The following PER3 variants were observed in gnomAD, a reference collection of about 807,000 sequenced individuals.
PER3 encodes period circadian regulator 3.
Under a neutral mutation model 127.2 loss-of-function variants are expected in PER3, and 107 were observed. The ratio of observed to expected loss-of-function variants is 0.84; its 90% CI spans 0.72 to 0.99. PER3 has a LOEUF of 0.99. PER3 is among the 50% of genes least tolerant of loss of function. PER3 has a pLI of 0.00. For missense variants in PER3, 1,560 were observed against 1,525.8 expected (o/e 1.02, Z -0.37); for synonymous variants, 618 against 585.8 (o/e 1.05, Z -0.79).
At chr1:7,828,903 G>A (rs2097315317) in intron 18 of PER3, among the ~76,000 whole-genome samples, 1 of 152,042 alleles carries the variant, frequency 6.6e-6, no homozygotes, top group African/African-American at 2.4e-5. Context: ...ACAGTGCCTA[G>A]AACATATAAA....
In PER3 at chr1:7,827,818, A is replaced by G. The variant is rs1334689378; in HGVS notation, c.2886+3A>G. The stretch of plus-strand genomic sequence containing the variant: ...ACACGTGCCCACAAACTGAGTATGT[A>G]AGTGATGCTCATTTTCAACACTCAA... On this transcript the variant is annotated splice_donor_region_variant and intron_variant, in intron 18 of 21. Coordinates refer to ENST00000377532, the MANE Select transcript of PER3 (RefSeq NM_001377275.1). 2 of 1,591,214 alleles carry G rather than the reference A, an allele frequency of 1.3e-6. No homozygotes were observed. Among genetic ancestry groups the G allele is most frequent in the African/African-American group, 2.7e-5 (2 of 74,464 alleles).
At position 7,844,118 on chromosome 1, in the gene PER3, A is replaced by T; in HGVS notation, c.*1363A>T. ...CCTTTGAAGTTTTACAGCTTTTTGT[A>T]AATGCGTCCTGATAATGATTAGGAA... On this transcript the variant is annotated 3_prime_UTR_variant, in exon 22 of 22. Transcript: ENST00000377532. The T allele has an allele frequency of 1.2e-5, 4 of 321,302 alleles. No homozygotes were observed. The South Asian group carries it at 1.9e-4, about 15-fold the overall frequency. 19.9% of individuals were successfully genotyped at this position (321,302 alleles called of 1,614,324 possible).
intron 6 of PER3, among the ~76,000 whole-genome samples, chr1:7,794,842 T>C (rs1442932457): frequency 1.3e-5 from 2 of 150,790 alleles, no homozygotes; most frequent in Non-Finnish European, 3.0e-5. Context: ...TTATTAGTGT[T>C]CCTTTTATGT....
At chr1:7,824,778 G>T (rs567701686) in intron 16 of PER3, among the ~76,000 whole-genome samples, 1 of 152,302 alleles carries the variant, frequency 6.6e-6, no homozygotes, top group South Asian at 2.1e-4. Context: ...ACCTTCCTGA[G>T]TGCTCCTTGT....
chr1:7,784,798 T>G lies in PER3; in HGVS notation c.-80T>G. On this transcript the variant is annotated 5_prime_UTR_variant, in exon 2 of 22. Coordinates refer to ENST00000377532, the MANE Select transcript of PER3 (RefSeq NM_001377275.1). ...CGGGGACCGGAGTGAGAAACCGGTG[T>G]CTGTCACTGACTGCAAAGTGAGCGA... 1 of 1,351,482 alleles carries G rather than the reference T, an allele frequency of 7.4e-7. No individual in the cohort carries two copies. Among genetic ancestry groups the G allele is most frequent in the East Asian group, 3.1e-5 (1 of 32,436 alleles). The allele number at this position is 1,351,482 out of a possible 1,614,324, so 83.7% of individuals were successfully genotyped here.
intron 13 of PER3, among the ~76,000 whole-genome samples, chr1:7,818,430 C>G (rs2097261189): frequency 2.0e-5 from 3 of 152,224 alleles, no homozygotes; most frequent in Admixed American, 2.0e-4. Flanking sequence ...TGACCAGCAT[C>G]TAACACTTCT....
At chr1:7,787,210 C>A in intron 4 of PER3, 1 of 844,600 alleles carries the variant, frequency 1.2e-6, no homozygotes. Context: ...CCAATACCTA[C>A]TACTTCAAGT....
At position 7,803,732 on chromosome 1, in the gene PER3, C is replaced by A; in HGVS notation, c.1020C>A (p.Pro340=). The A allele has an allele frequency of 6.2e-7, 1 of 1,608,522 alleles. No homozygotes were observed. The highest frequency in any genetic ancestry group is 1.7e-4 in the Middle Eastern group (1 of 6,052). ...YAGHPPFEHS[P]IRFCTQNGDY... ...GGCATCCTCCCTTTGAACATTCTCC[C>A]ATTCGATTTTGTACTCAAAACGGAG... The change falls in exon 10 of 22, where the codon CCC becomes CCA. Residue 340 remains proline, a synonymous_variant. Transcript: ENST00000377532.
intron 13 of PER3, among the ~76,000 whole-genome samples, chr1:7,811,290 C>T (rs767723313): frequency 7.5e-4 from 114 of 152,062 alleles, no homozygotes; most frequent in Non-Finnish European, 2.9e-4. Flanking sequence ...CAAATGTAGA[C>T]GTTTTACACA....
chr1:7,830,554 T>C (rs1342591568), intron 19 of PER3, among the ~76,000 whole-genome samples: 1 of 152,236 alleles, frequency 6.6e-6, no homozygotes, highest in African/African-American at 2.4e-5. Context: ...GACAGTATGC[T>C]GTCTTTCGTA....
rs1415947410 is a variant in PER3, at chr1:7,810,004, G to A, written c.1354G>A (p.Glu452Lys). 6.2e-7 allele frequency: 1 copy of A among 1,613,990 alleles called. No homozygotes were observed. The highest frequency in any genetic ancestry group is 8.5e-7 in the Non-Finnish European group (1 of 1,179,894). ...TGAGGCCAGTGGGCACCGTGTGGAG[G>A]AGACGAAGGCGGAGCAGGTGCATGG... is the stretch of plus-strand genomic sequence containing the variant. Reference protein sequence around the residue: ...SSEASGHRVEETKAEQMTLQQ... With the variant: ...SSEASGHRVEKTKAEQMTLQQ... The change falls in exon 12 of 22, where the codon GAG becomes AAG. Residue 452 changes from glutamate to lysine, a missense_variant. Glu to Lys is a moderately conservative substitution (Grantham distance 56, BLOSUM62 1). Transcript: ENST00000377532.
At chr1:7,807,333 C>G (rs977223086) in intron 10 of PER3, among the ~76,000 whole-genome samples, 1 of 152,198 alleles carries the variant, frequency 6.6e-6, no homozygotes, top group Non-Finnish European at 1.5e-5. Context: ...GCGATTGGTG[C>G]AGCTGTTCCA....
In PER3 at chr1:7,801,127, G is replaced by A. The variant is rs1321621028; in HGVS notation, c.808G>A (p.Val270Met). Residue 270 changes from valine to methionine, a missense_variant, in exon 8 of 22, where the codon GTG (valine) becomes ATG (methionine). Physicochemically the swap from Val to Met is conservative, Grantham distance 21. Coordinates refer to ENST00000377532, the MANE Select transcript of PER3 (RefSeq NM_001377275.1). ...HSGYEAPRIP[V>M]NKRIFTTTHT... ...TTTTTCCTTAGCTCCTCGGATCCCA[G>A]TGAATAAAAGAATCTTCACCACCAC... 1.9e-6 allele frequency: 3 copies of A among 1,604,756 alleles called. No individual in the cohort carries two copies. Among genetic ancestry groups the A allele is most frequent in the Admixed American group, 3.4e-5 (2 of 59,038 alleles).
chr1:7,824,511 G>A (rs1006309002), intron 16 of PER3, among the ~76,000 whole-genome samples: 3 of 151,872 alleles, frequency 2.0e-5, no homozygotes, highest in Admixed American at 6.6e-5. Flanking sequence ...CAGTTTCTCG[G>A]TGCCTTTTTT....
chr1:7,817,128 CAGATCAGTATTTACTATGATTGGGT>C (rs539852737), intron 13 of PER3, among the ~76,000 whole-genome samples: 6 of 152,312 alleles, frequency 3.9e-5, no homozygotes, highest in African/African-American at 1.2e-4. Context: ...CTCTGGAAAA[CAGATCAGTATTTACTATGATTGGGT>C]AGAGAAGGAG....
Position 7,827,127 on chromosome 1 carries a change from C to T in PER3, c.2198C>T (p.Thr733Ile). The change falls in exon 18 of 22, where the codon ACT (threonine) becomes ATT (isoleucine). Residue 733 changes from threonine to isoleucine, a missense_variant. This residue lies in a region of PER3 where 1,332 missense variants were observed against 1,223.6 expected (regional missense o/e 1.09). Transcript: ENST00000377532. ...AKYSYFQGDS[T>I]SKQTRSAGCR... is the part of the protein sequence containing the mutation. ...ACCTTTATCCTTCCAGGAGATTCTA[C>T]TTCCAAGCAGACGCGGTCGGCCGGC... 6.3e-7 allele frequency: 1 copy of T among 1,592,294 alleles called. No homozygotes were observed. The highest frequency in any genetic ancestry group is 8.5e-7 in the Non-Finnish European group (1 of 1,170,316).
intron 5 of PER3, among the ~76,000 whole-genome samples, chr1:7,792,684 C>T (rs2097127422): frequency 1.3e-5 from 2 of 152,214 alleles, no homozygotes; most frequent in Non-Finnish European, 2.9e-5. Flanking sequence ...AGGAAGCAAT[C>T]CACTCAGCTG....
intron 19 of PER3, among the ~76,000 whole-genome samples, chr1:7,831,743 G>T (rs1300838781): frequency 1.3e-5 from 2 of 152,120 alleles, no homozygotes; most frequent in Non-Finnish European, 2.9e-5. Flanking sequence ...CTTGCATTTG[G>T]TCATGCTCTT....
intron 13 of PER3, among the ~76,000 whole-genome samples, chr1:7,811,169 T>C (rs12137927): frequency 0.2 from 30,286 of 152,142 alleles, 3,194 homozygotes; most frequent in South Asian, 0.27. Context: ...TCAAATTAGA[T>C]TGACATTTAA....
Sources: gnomAD v4.1 joint callset for allele counts (sites outside exome capture counted in the v4.1 genomes callset) on GRCh38, gnomAD v4.1.1 for gene constraint, gnomAD v4.1.1 regional missense constraint, MANE v1.5 for transcripts, NCBI Gene and HGNC (gene_info 2026-07-23, HGNC 2026-07-21) for gene names.